SEPHS1: variants seen among roughly 807,000 people sequenced by gnomAD.
The protein encoded by SEPHS1 is selenophosphate synthetase 1.
A neutral mutation model predicts 39.2 loss-of-function variants in SEPHS1; 7 were observed. The ratio of observed to expected loss-of-function variants is 0.18; its 90% confidence interval spans 0.10 to 0.34. The LOEUF is 0.34. SEPHS1 is among the 10% of genes least tolerant of loss of function. The probability of loss-of-function intolerance (pLI) is 1.00; values close to 1 mark genes in which losing one functional copy is unlikely to be tolerated. For synonymous variants in SEPHS1, 190 were observed against 195.5 expected (o/e 0.97, Z 0.23); for missense variants, 253 against 514.5 (o/e 0.49, Z 4.92).
chr10:13,323,543 C>G (rs1333497302), intron 7 of SEPHS1, among the ~76,000 whole-genome samples: 1 of 151,870 alleles, frequency 6.6e-6, no homozygotes, highest in Non-Finnish European at 1.5e-5. Flanking sequence ...TTAGCAGAGA[C>G]AGGGTTTCAC....
chr10:13,322,383 T>G (rs1833144283), intron 8 of SEPHS1, among the ~76,000 whole-genome samples: 1 of 152,098 alleles, frequency 6.6e-6, no homozygotes, highest in South Asian at 2.1e-4. Flanking sequence ...TGATCTCACG[T>G]GATGTGCCTG....
intron 5 of SEPHS1, among the ~76,000 whole-genome samples, chr10:13,330,826 TC>T (rs1248035890): frequency 1.6e-5 from 2 of 121,750 alleles, no homozygotes; most frequent in South Asian, 3.1e-4. Flanking sequence ...AAGTTGATGT[TC>T]TTTTTTTTTA....
At chr10:13,324,926 G>C (rs1273049536) in intron 7 of SEPHS1, among the ~76,000 whole-genome samples, 1 of 152,170 alleles carries the variant, frequency 6.6e-6, no homozygotes, top group Non-Finnish European at 1.5e-5. Flanking sequence ...CCACACTGAA[G>C]GTTTCCTTTT....
chr10:13,324,633 CAG>C (rs1272800996), intron 7 of SEPHS1, among the ~76,000 whole-genome samples: 1 of 152,130 alleles, frequency 6.6e-6, no homozygotes, highest in Non-Finnish European at 1.5e-5. Flanking sequence ...TTTTTTGAGA[CAG>C]GGTCTCGCTT....
intron 1 of SEPHS1, 48 bp from the exon 2 acceptor site, chr10:13,345,076 G>A: frequency 1.2e-6 from 1 of 833,578 alleles, no homozygotes. Context: ...ATTCCCACTG[G>A]GACCTGCCAG....
At chr10:13,332,592 C>G (rs968350432) in intron 5 of SEPHS1, among the ~76,000 whole-genome samples, 1 of 152,060 alleles carries the variant, frequency 6.6e-6, no homozygotes, top group African/African-American at 2.4e-5. Context: ...GCCTGTAATC[C>G]CAGCACTTTG....
Position 13,331,888 on chromosome 10 carries a change from C to G in SEPHS1, c.560+1929G>C, listed in dbSNP as rs114665840. On this transcript the variant is annotated intron_variant, in intron 5 of 8. Coordinates refer to ENST00000327347, the MANE Select transcript of SEPHS1 (RefSeq NM_012247.5). The stretch of plus-strand genomic sequence containing the variant: ...GGCTGGCTAGAATCCAAAAGACAGA[C>G]AGGAAAACAAGTACTGGAGGGGTCA... Among the ~76,000 whole-genome samples, 1,267 of 152,336 alleles carry G rather than the reference C, an allele frequency of 8.3e-3. 9 individuals carry two copies. Among genetic ancestry groups the G allele is most frequent in the African/African-American group, 0.029 (1,196 of 41,576 alleles).
intron 6 of SEPHS1, among the ~76,000 whole-genome samples, chr10:13,329,343 C>T (rs1360310917): frequency 6.6e-6 from 1 of 152,032 alleles, no homozygotes; most frequent in Non-Finnish European, 1.5e-5. Context: ...TTATTTATAC[C>T]CCAAACACTA....
chr10:13,325,955 A>AT (rs1564444707), intron 7 of SEPHS1, among the ~76,000 whole-genome samples: 20 of 115,892 alleles, frequency 1.7e-4, no homozygotes, highest in South Asian at 2.7e-4. Context: ...TCAAAAAAAA[A>AT]AAAAAAAAAT....
chr10:13,345,129 G>A, intron 1 of SEPHS1, 101 bp from the exon 2 acceptor site: 1 of 482,942 alleles, frequency 2.1e-6, no homozygotes, highest in Non-Finnish European at 3.6e-6. Context: ...AATGTGACAA[G>A]GGCTGAAATC....
chr10:13,332,536 ACTT>A (rs1296284902), intron 5 of SEPHS1, among the ~76,000 whole-genome samples: 8 of 152,138 alleles, frequency 5.3e-5, no homozygotes, highest in African/African-American at 1.9e-4. Flanking sequence ...CGTGAATTAT[ACTT>A]CAACTAAAAA....
chr10:13,336,543 GT>G (rs3215961), intron 3 of SEPHS1, 193 bp from the exon 4 acceptor site: 2 of 597,864 alleles, frequency 3.3e-6, no homozygotes, highest in African/African-American at 3.7e-5. Flanking sequence ...TAGGCCATTC[GT>G]TTTTTCTCAG....
chr10:13,334,911 T>A (rs528777769), intron 4 of SEPHS1, among the ~76,000 whole-genome samples: 1 of 152,268 alleles, frequency 6.6e-6, no homozygotes, highest in South Asian at 2.1e-4. Flanking sequence ...AAGACTGGCT[T>A]CCTAAGCACA....
intron 1 of SEPHS1, chr10:13,345,330 T>C: frequency 6.1e-6 from 1 of 164,612 alleles, no homozygotes; most frequent in Middle Eastern, 2.8e-3. Context: ...AAGGTTCTTC[T>C]AGGACTCAGC....
In SEPHS1 at chr10:13,318,033, C is replaced by T. The variant is rs975664502; in HGVS notation, c.*1109G>A. The T allele has an allele frequency of 9.9e-5, 15 of 152,256 alleles. No homozygotes were observed. Among genetic ancestry groups the T allele is most frequent in the Admixed American group, 2.6e-4 (4 of 15,290 alleles). 9.4% of individuals were successfully genotyped at this position (152,256 alleles called of 1,614,324 possible). ...TGTACTTTAGGCAAAACCCTCCCAA[C>T]GCTTCTAAAATAATACTAAAAGGGG... On this transcript the variant is annotated 3_prime_UTR_variant, in exon 9 of 9. Coordinates refer to ENST00000327347, the MANE Select transcript of SEPHS1 (RefSeq NM_012247.5).
At chr10:13,335,642 T>G (rs1434160961) in intron 4 of SEPHS1, among the ~76,000 whole-genome samples, 1 of 138,020 alleles carries the variant, frequency 7.2e-6, no homozygotes, top group Non-Finnish European at 1.6e-5. Context: ...CTAGCCTGGG[T>G]GACAGAGTGA....
At chr10:13,343,105 AAT>A (rs1337891923) in intron 2 of SEPHS1, among the ~76,000 whole-genome samples, 1 of 152,200 alleles carries the variant, frequency 6.6e-6, no homozygotes, top group African/African-American at 2.4e-5. Context: ...TTCATGACAT[AAT>A]ATGAGTGACT....
At chr10:13,344,556 T>C (rs1833875713) in intron 2 of SEPHS1, among the ~76,000 whole-genome samples, 1 of 152,158 alleles carries the variant, frequency 6.6e-6, no homozygotes, top group African/African-American at 2.4e-5. Flanking sequence ...ATGTACACTA[T>C]TTGGGTGATG....
intron 8 of SEPHS1, among the ~76,000 whole-genome samples, chr10:13,321,803 G>A (rs181273221): frequency 5.9e-5 from 9 of 152,340 alleles, no homozygotes; most frequent in African/African-American, 1.4e-4. Context: ...CTCGGCGGCC[G>A]GCAGGCCATG....
Sources: allele counts gnomAD v4.1 joint callset (sites outside exome capture counted in the v4.1 genomes callset), GRCh38; gene constraint gnomAD v4.1.1; transcripts MANE v1.5; gene names NCBI Gene and HGNC (gene_info 2026-07-23, HGNC 2026-07-21).